The following VWC2 variants were observed in gnomAD, a reference collection of about 807,000 sequenced individuals.
The protein encoded by VWC2 is brorin.
A neutral mutation model predicts 29.8 loss-of-function variants in VWC2; 14 were observed. The observed-to-expected ratio is 0.47, with a 90% CI of 0.31 to 0.74. VWC2 has a LOEUF of 0.74. Ranked by LOEUF, VWC2 falls within the 30% of genes least tolerant of loss-of-function variation. VWC2 has a pLI of 0.05. For synonymous variants in VWC2, 213 were observed against 199.0 expected, an observed-to-expected ratio of 1.07 and a Z score of -0.59; for missense variants, 457 against 459.8, an observed-to-expected ratio of 0.99 and a Z score of 0.05.
intron 3 of VWC2, among the ~76,000 whole-genome samples, chr7:49,883,179 T>G (rs1242547808): frequency 6.6e-6 from 1 of 152,010 alleles, no homozygotes; most frequent in Non-Finnish European, 1.5e-5. Context: ...AGGTTTGAGC[T>G]TGAGGAGAAG....
At chr7:49,861,201 T>C (rs894795178) in intron 3 of VWC2, among the ~76,000 whole-genome samples, 1 of 152,208 alleles carries the variant, frequency 6.6e-6, no homozygotes, top group African/African-American at 2.4e-5. Context: ...GCTATAACCA[T>C]CTTAGTACAT....
chr7:49,882,612 A>G (rs558392648), intron 3 of VWC2, among the ~76,000 whole-genome samples: 1 of 152,104 alleles, frequency 6.6e-6, no homozygotes, highest in Admixed American at 6.5e-5. Context: ...GTGAGTACAG[A>G]AAGGAGGCAG....
intron 3 of VWC2, among the ~76,000 whole-genome samples, chr7:49,862,127 A>G (rs981779143): frequency 4.6e-5 from 7 of 152,100 alleles, no homozygotes; most frequent in African/African-American, 1.7e-4. Context: ...ATATCTTTTC[A>G]TTTATTTGTG....
At position 49,852,067 on chromosome 7, in the gene VWC2, C is replaced by T. The variant is rs145515597; in HGVS notation, c.826+49227C>T. Among the ~76,000 whole-genome samples, 236 of 152,302 alleles carry T rather than the reference C, an allele frequency of 1.5e-3. 3 individuals are homozygous for T. The highest frequency in any genetic ancestry group is 5.4e-3 in the African/African-American group (226 of 41,574). On this transcript the variant is annotated intron_variant, in intron 3 of 3. Coordinates refer to ENST00000340652, the MANE Select transcript of VWC2 (RefSeq NM_198570.5). ...TAAACCAATAACTGTATTGAGCAGT[C>T]AGGATGCTGGGAGCCCGACAGAGGC...
chr7:49,912,076 G>T lies in VWC2; in HGVS notation c.869G>T (p.Arg290Ile). Residue 290 changes from arginine to isoleucine, a missense_variant, in exon 4 of 4, where the codon AGA becomes ATA. Around this residue, in one of 2 missense-constraint regions of VWC2, gnomAD observed 185 missense variants for 257.1 expected, o/e 0.72. Transcript: ENST00000340652. ...FAETAVIPAG[R>I]EVKTDECTIC... ...GAAACCGCGGTGATCCCTGCTGGCAGAGAAGTGAAGACTGACGAGTGCACC... is the reference window on the plus strand; with the variant it reads ...GAAACCGCGGTGATCCCTGCTGGCATAGAAGTGAAGACTGACGAGTGCACC... 6.2e-7 allele frequency: 1 copy of T among 1,614,102 alleles called. No homozygotes were observed. The highest frequency in any genetic ancestry group is 8.5e-7 in the Non-Finnish European group (1 of 1,179,994).
intron 3 of VWC2, among the ~76,000 whole-genome samples, chr7:49,867,282 A>AT (rs796796960): frequency 1.1e-4 from 17 of 152,270 alleles, no homozygotes; most frequent in African/African-American, 4.1e-4. Flanking sequence ...ATACTTAAAG[A>AT]TTTTTTCATT....
chr7:49,853,798 T>C (rs1191319012), intron 3 of VWC2, among the ~76,000 whole-genome samples: 2 of 152,084 alleles, frequency 1.3e-5, no homozygotes, highest in African/African-American at 4.8e-5. Flanking sequence ...GTGTGCCATG[T>C]TGGTGTGCTG....
chr7:49,887,853 C>T (rs775774349), intron 3 of VWC2, among the ~76,000 whole-genome samples: 4 of 152,224 alleles, frequency 2.6e-5, no homozygotes, highest in Non-Finnish European at 5.9e-5. Flanking sequence ...AATGTTCTAG[C>T]CTACTGCACT....
At chr7:49,785,912 G>A (rs1788284101) in intron 2 of VWC2, among the ~76,000 whole-genome samples, 1 of 152,188 alleles carries the variant, frequency 6.6e-6, no homozygotes, top group Non-Finnish European at 1.5e-5. Flanking sequence ...CAGAAGCAAA[G>A]TCACAGAATC....
intron 3 of VWC2, among the ~76,000 whole-genome samples, chr7:49,851,773 G>A (rs752967000): frequency 3.3e-5 from 5 of 151,894 alleles, no homozygotes; most frequent in African/African-American, 9.7e-5. Flanking sequence ...AAGGAGAATC[G>A]CTTGAACCCA....
At chr7:49,871,865 A>T (rs1241985782) in intron 3 of VWC2, among the ~76,000 whole-genome samples, 1 of 148,126 alleles carries the variant, frequency 6.8e-6, no homozygotes, top group Non-Finnish European at 1.5e-5. Flanking sequence ...ATACATACAT[A>T]TGTGCATATA....
At chr7:49,847,237 TATA>T (rs1471345941) in intron 3 of VWC2, among the ~76,000 whole-genome samples, 2 of 144,724 alleles carry the variant, frequency 1.4e-5, no homozygotes, top group Non-Finnish European at 3.0e-5. Context: ...ATATAATATA[TATA>T]ATATAATATA....
chr7:49,775,396 C>CT lies in VWC2; in HGVS notation c.-40_-39insT. ...CTGTGAATGCGACTCGCCCCTCGGC[C>CT]GCGCTCCCCGCCCGCCCGCCCGCCG... On this transcript the variant is annotated 5_prime_UTR_variant, in exon 2 of 4. It removes the in-frame stop codon of an upstream open reading frame in the 5' UTR. Coordinates refer to ENST00000340652, the MANE Select transcript of VWC2 (RefSeq NM_198570.5). The CT allele has an allele frequency of 3.0e-6, 4 of 1,325,916 alleles. No homozygotes were observed. The highest frequency in any genetic ancestry group is 3.8e-6 in the Non-Finnish European group (4 of 1,039,210). 82.1% of individuals were successfully genotyped at this position (1,325,916 alleles called of 1,614,324 possible). A position where few individuals can be genotyped will look rare whatever the true frequency, so the allele number is the denominator to read the frequency against.
At chr7:49,841,979 G>A (rs1033538703) in intron 3 of VWC2, among the ~76,000 whole-genome samples, 1 of 152,010 alleles carries the variant, frequency 6.6e-6, no homozygotes, top group Non-Finnish European at 1.5e-5. Flanking sequence ...CGATTCTCCT[G>A]TCTCAGCCTC....
intron 2 of VWC2, among the ~76,000 whole-genome samples, chr7:49,784,123 G>C (rs956384964): frequency 2.6e-5 from 4 of 152,164 alleles, no homozygotes; most frequent in African/African-American, 9.7e-5. Flanking sequence ...AATGTTATTT[G>C]TATAAATTGA....
intron 3 of VWC2, among the ~76,000 whole-genome samples, chr7:49,868,376 A>G (rs1562741548): frequency 6.6e-6 from 1 of 152,222 alleles, no homozygotes; most frequent in Non-Finnish European, 1.5e-5. Flanking sequence ...TTCCTTGATC[A>G]TAAATCAGTG....
intron 3 of VWC2, chr7:49,850,350 G>A (rs1790126785): frequency 6.6e-6 from 1 of 152,174 alleles, no homozygotes; most frequent in Admixed American, 6.5e-5. Context: ...TTCCATTGGT[G>A]AGTCCAAGAT....
intron 3 of VWC2, among the ~76,000 whole-genome samples, chr7:49,819,731 G>T (rs1362490771): frequency 1.3e-5 from 2 of 152,154 alleles, no homozygotes; most frequent in African/African-American, 4.8e-5. Flanking sequence ...AAAGGACTTT[G>T]ATTCTCTAAG....
At chr7:49,849,364 G>A (rs569055143) in intron 3 of VWC2, among the ~76,000 whole-genome samples, 2 of 152,318 alleles carry the variant, frequency 1.3e-5, no homozygotes, top group East Asian at 1.9e-4. Flanking sequence ...AGATGGCTAA[G>A]AAGGGAGTTT....
Sources: gnomAD v4.1 joint callset for allele counts (sites outside exome capture counted in the v4.1 genomes callset) on GRCh38, gnomAD v4.1.1 for gene constraint, gnomAD v4.1.1 regional missense constraint, MANE v1.5 for transcripts, NCBI Gene and HGNC (gene_info 2026-07-23, HGNC 2026-07-21) for gene names.